The following SV2B variants were observed in gnomAD, a reference collection of about 807,000 sequenced individuals.
SV2B encodes the protein solute carrier family 22 member B2.
Under a neutral mutation model 73.9 loss-of-function variants are expected in SV2B, and 41 were observed. The observed-to-expected ratio is 0.56, with a 90% confidence interval of 0.43 to 0.72. SV2B has a LOEUF of 0.72. Among genes scored for constraint, SV2B ranks in the 30% least tolerant of loss-of-function variants. The probability of loss-of-function intolerance (pLI) is 0.00; values close to 1 mark genes in which losing one functional copy is unlikely to be tolerated. For missense variants in SV2B, 764 were observed against 857.8 expected (o/e 0.89, Z 1.37); for synonymous variants, 314 against 314.2 (o/e 1.00, Z 0.01).
chr15:91,262,100 G>A (rs909152341), intron 6 of SV2B, among the ~76,000 whole-genome samples: 2 of 152,168 alleles, frequency 1.3e-5, no homozygotes, highest in Non-Finnish European at 2.9e-5. Context: ...CGGTGGCTGA[G>A]CACCTGCATC....
intron 1 of SV2B, among the ~76,000 whole-genome samples, chr15:91,164,396 A>G (rs530086724): frequency 1.6e-4 from 24 of 152,246 alleles, no homozygotes; most frequent in Admixed American, 3.9e-4. Flanking sequence ...GGCCAGTGGT[A>G]TTCCTTGTCA....
chr15:91,138,397 G>A (rs1237427500), intron 1 of SV2B, among the ~76,000 whole-genome samples: 1 of 152,034 alleles, frequency 6.6e-6, no homozygotes, highest in Non-Finnish European at 1.5e-5. Flanking sequence ...TTACTGTATT[G>A]GACAGCACAG....
chr15:91,264,072 C>G (rs1442832274), intron 6 of SV2B, among the ~76,000 whole-genome samples: 1 of 152,256 alleles, frequency 6.6e-6, no homozygotes, highest in Non-Finnish European at 1.5e-5. Context: ...CCTGTCTGCC[C>G]TTGCCTGTCC....
chr15:91,233,107 C>T (rs182695286), intron 2 of SV2B, among the ~76,000 whole-genome samples: 5 of 152,210 alleles, frequency 3.3e-5, no homozygotes, highest in South Asian at 2.1e-4. Flanking sequence ...TCCAATCCCC[C>T]GTTGATGGGC....
chr15:91,272,994 G>A (rs959253178), intron 9 of SV2B, among the ~76,000 whole-genome samples: 1 of 151,774 alleles, frequency 6.6e-6, no homozygotes, highest in Admixed American at 6.6e-5. Flanking sequence ...CACCATGCCC[G>A]GCTAGTATTT....
intron 1 of SV2B, among the ~76,000 whole-genome samples, chr15:91,184,167 G>A (rs539772131): frequency 1.3e-5 from 2 of 152,222 alleles, no homozygotes; most frequent in East Asian, 3.9e-4. Flanking sequence ...CTGGCACAAA[G>A]TCCCGTTAAA....
At chr15:91,248,039 T>C (rs531130542) in intron 2 of SV2B, among the ~76,000 whole-genome samples, 11 of 152,226 alleles carry the variant, frequency 7.2e-5, no homozygotes, top group South Asian at 2.1e-4. Context: ...ATGTGTACAA[T>C]GTCATAAAGA....
intron 1 of SV2B, among the ~76,000 whole-genome samples, chr15:91,211,801 CTTTTTTTTTTT>C (rs775815258): frequency 9.4e-6 from 1 of 105,998 alleles, no homozygotes; most frequent in South Asian, 2.9e-4. Context: ...CTCGCCTGGG[CTTTTTTTTTTT>C]TTTTTTTTTT....
intron 1 of SV2B, among the ~76,000 whole-genome samples, chr15:91,191,003 G>A (rs7181640): frequency 0.054 from 7,662 of 142,006 alleles, 679 homozygotes; most frequent in African/African-American, 0.19. Flanking sequence ...GATAATTTTT[G>A]CCTTAAATTC....
In SV2B at chr15:91,263,287, C is replaced by G. The variant is rs890470339; in HGVS notation, c.1008+2878C>G. ...ACACAGACACATGGACACACATGAA[C>G]ACAGACACACAGACACAGGAACACA... is the stretch of plus-strand genomic sequence containing the variant. On this transcript the variant is annotated intron_variant, in intron 6 of 12. Coordinates refer to ENST00000394232, the MANE Select transcript of SV2B (RefSeq NM_001323032.3). Among the ~76,000 whole-genome samples the G allele has an allele frequency of 4.0e-5, 6 of 151,332 alleles. 1 individual carries two copies. Among genetic ancestry groups the G allele is most frequent in the African/African-American group, 1.2e-4 (5 of 41,018 alleles).
intron 1 of SV2B, among the ~76,000 whole-genome samples, chr15:91,207,018 G>A (rs1447750671): frequency 6.6e-6 from 1 of 152,132 alleles, no homozygotes; most frequent in South Asian, 2.1e-4. Context: ...GATGTGAAAT[G>A]GGATTGTGAG....
At chr15:91,243,427 C>T (rs1432179440) in intron 2 of SV2B, among the ~76,000 whole-genome samples, 2 of 152,196 alleles carry the variant, frequency 1.3e-5, no homozygotes, top group East Asian at 1.9e-4. Context: ...TGTCTTAATG[C>T]CTCTTCTTTT....
chr15:91,241,883 C>A lies in SV2B; in HGVS notation c.452-9936C>A, dbSNP rs2047031023. On this transcript the variant is annotated intron_variant, in intron 2 of 12. Transcript: ENST00000394232. The surrounding 1 kb of genome is among the most constrained non-coding windows in gnomAD (Gnocchi z 4.8). ...TGATCCCACACACATCTTTTCTATT[C>A]CCTTTCCAGTAAAATTCACTGAACC... 6.6e-6 allele frequency among the ~76,000 whole-genome samples: 1 copy of A among 152,240 alleles called. No homozygotes were observed. Among genetic ancestry groups the A allele is most frequent in the African/African-American group, 2.4e-5 (1 of 41,458 alleles).
At chr15:91,171,233 A>C (rs756032918) in intron 1 of SV2B, among the ~76,000 whole-genome samples, 1 of 152,200 alleles carries the variant, frequency 6.6e-6, no homozygotes, top group Non-Finnish European at 1.5e-5. Context: ...ATCTTAGGCA[A>C]GTGGCTAGAC....
chr15:91,152,845 T>C (rs2043356444), intron 1 of SV2B, among the ~76,000 whole-genome samples: 1 of 152,240 alleles, frequency 6.6e-6, no homozygotes, highest in Admixed American at 6.5e-5. Flanking sequence ...AGGAGACTCA[T>C]ACCATGTATC....
In SV2B at chr15:91,226,107, G is replaced by T. The variant is rs555230252; in HGVS notation, c.-157G>T. ...AATCTGGTTGATTTGAGAGATAAAG[G>T]GGGGGGGAACCAGTGTGACTTTCAC... is the stretch of plus-strand genomic sequence containing the variant. On this transcript the variant is annotated 5_prime_UTR_variant, in exon 2 of 13. Transcript: ENST00000394232. 45 of 694,384 alleles carry T rather than the reference G, an allele frequency of 6.5e-5. No individual in the cohort carries two copies. The highest frequency in any genetic ancestry group is 3.2e-4 in the South Asian group (16 of 49,310). The allele number at this position is 694,384 out of a possible 1,614,324, so 43.0% of individuals were successfully genotyped here. A position where few individuals can be genotyped will look rare whatever the true frequency, so the allele number is the denominator to read the frequency against.
chr15:91,252,442 C>T lies in SV2B; in HGVS notation c.706C>T (p.Leu236Phe). ...GTCTCGGGAGAAGCGAGGAGAACACCTCAGTTGGCTGGGCATCTTCTGGAT... is the reference window on the plus strand; with the variant it reads ...GTCTCGGGAGAAGCGAGGAGAACACTTCAGTTGGCTGGGCATCTTCTGGAT... ...FLSREKRGEH[L>F]SWLGIFWMTG... The change falls in exon 4 of 13, where the codon CTC becomes TTC. Residue 236 changes from leucine (L) to phenylalanine (F), a missense_variant. Coordinates refer to ENST00000394232, the MANE Select transcript of SV2B (RefSeq NM_001323032.3). The surrounding 1 kb of genome is among the most constrained non-coding windows in gnomAD (Gnocchi z 4.6). 1 of 1,613,642 alleles carries T rather than the reference C, an allele frequency of 6.2e-7. No individual in the cohort carries two copies. Among genetic ancestry groups the T allele is most frequent in the Non-Finnish European group, 8.5e-7 (1 of 1,179,780 alleles).
At chr15:91,213,626 C>T (rs930184728) in intron 1 of SV2B, among the ~76,000 whole-genome samples, 2 of 151,882 alleles carry the variant, frequency 1.3e-5, no homozygotes, top group Non-Finnish European at 1.5e-5. Context: ...TTACCATGTC[C>T]CTGGCAAAGA....
intron 9 of SV2B, among the ~76,000 whole-genome samples, chr15:91,279,164 A>C (rs2048601879): frequency 6.6e-6 from 1 of 152,200 alleles, no homozygotes; most frequent in Non-Finnish European, 1.5e-5. Flanking sequence ...GTCCCCTTAG[A>C]AGTGGTTTTA....
Sources: gnomAD v4.1 joint callset for allele counts (sites outside exome capture counted in the v4.1 genomes callset) on GRCh38, gnomAD v4.1.1 for gene constraint, Gnocchi (gnomAD v3.1) non-coding constraint, MANE v1.5 for transcripts, NCBI Gene and HGNC (gene_info 2026-07-23, HGNC 2026-07-21) for gene names.